Variants in AKAP11 observed in about 807,000 individuals in gnomAD.
AKAP11 encodes A-kinase anchor protein 11.
In AKAP11, 36 loss-of-function variants were observed where a neutral mutation model predicts 146.1. The observed-to-expected ratio is 0.25, with a 90% CI of 0.19 to 0.33. AKAP11 has a LOEUF of 0.33. Among genes scored for constraint, AKAP11 ranks in the 10% least tolerant of loss-of-function variants. The pLI, the probability that AKAP11 is intolerant of heterozygous loss-of-function variation, is 1.00. For synonymous variants in AKAP11, 780 were observed against 786.5 expected (o/e 0.99, Z 0.14); for missense variants, 2,201 against 2,197.0 (o/e 1.00, Z -0.04).
In AKAP11 at chr13:42,300,606, G is replaced by T; in HGVS notation, c.1860G>T (p.Val620=). 1 of 1,614,032 alleles carries T rather than the reference G, an allele frequency of 6.2e-7. No individual in the cohort carries two copies. Among genetic ancestry groups the T allele is most frequent in the East Asian group, 2.2e-5 (1 of 44,880 alleles). ...RAISGLANFL[V]SEALSNALKD... ...TTAGTGGCCTGGCTAACTTTTTGGT[G>T]AGTGAAGCTTTATCAAATGCCTTAA... is the stretch of plus-strand genomic sequence containing the variant. The change falls in exon 8 of 13, where the codon GTG becomes GTT. Residue 620 remains valine (V), a synonymous_variant. Coordinates refer to ENST00000025301, the MANE Select transcript of AKAP11 (RefSeq NM_016248.4).
At chr13:42,292,171 T>C (rs1384350281) in intron 3 of AKAP11, among the ~76,000 whole-genome samples, 1 of 152,164 alleles carries the variant, frequency 6.6e-6, no homozygotes, top group Non-Finnish European at 1.5e-5. Flanking sequence ...CAGGCTCCAG[T>C]AGTATGTGTT....
At chr13:42,311,228 A>T (rs551343967) in intron 9 of AKAP11, among the ~76,000 whole-genome samples, 1 of 152,330 alleles carries the variant, frequency 6.6e-6, no homozygotes, top group African/African-American at 2.4e-5. Flanking sequence ...CACTGGTTGG[A>T]GTACTCCTGT....
In AKAP11 at chr13:42,303,607, C is replaced by G. The variant is rs755063221; in HGVS notation, c.4861C>G (p.Pro1621Ala). The change falls in exon 8 of 13, where the codon CCA (proline) becomes GCA (alanine). Residue 1621 changes from proline (P) to alanine (A), a missense_variant. By Grantham distance (27) the Pro-to-Ala change is conservative. Transcript: ENST00000025301. ...CGCCAGTAGTAAGCCAGCTTCTAATCCAAAATTTAGCAGCCGCTATCAGAA... is the reference window on the plus strand; with the variant it reads ...CGCCAGTAGTAAGCCAGCTTCTAATGCAAAATTTAGCAGCCGCTATCAGAA... ...SLASSKPASN[P>A]KFSSRYQKSR... 2 of 1,614,202 alleles carry G rather than the reference C, an allele frequency of 1.2e-6. No homozygotes were observed. Among genetic ancestry groups the G allele is most frequent in the Admixed American group, 1.7e-5 (1 of 60,026 alleles).
chr13:42,298,450 G>T (rs1341660636), intron 6 of AKAP11, 83 bp from the exon 7 acceptor site: 3 of 1,419,368 alleles, frequency 2.1e-6, no homozygotes, highest in Non-Finnish European at 2.9e-6. Context: ...TTTTCTCTGA[G>T]ATTGTCTTAT....
At chr13:42,308,043 G>C (rs546853883) in intron 8 of AKAP11, among the ~76,000 whole-genome samples, 1 of 152,262 alleles carries the variant, frequency 6.6e-6, no homozygotes, top group African/African-American at 2.4e-5. Flanking sequence ...AGAATTTCTT[G>C]AACGACTTTT....
chr13:42,277,322 A>G (rs1958947854), intron 1 of AKAP11, among the ~76,000 whole-genome samples: 1 of 152,218 alleles, frequency 6.6e-6, no homozygotes, highest in African/African-American at 2.4e-5. Context: ...TAACTGTTTT[A>G]TCCTCCTGCC....
At chr13:42,287,825 G>A (rs1292751617) in intron 3 of AKAP11, among the ~76,000 whole-genome samples, 1 of 152,062 alleles carries the variant, frequency 6.6e-6, no homozygotes, top group Non-Finnish European at 1.5e-5. Context: ...ATAGCAAACT[G>A]ATAACCATGG....
rs2138659214 is a variant in AKAP11 at position 42,308,516 on chromosome 13, G to A, written c.5180G>A (p.Ser1727Asn). Residue 1727 changes from serine to asparagine, a missense_variant, in exon 9 of 13, where the codon AGT becomes AAT. Transcript: ENST00000025301. ...ESVSSQQMNLSIGDDSTGSWS... is the reference protein window; with the variant it reads ...ESVSSQQMNLNIGDDSTGSWS... ...GTCAGTAGCCAGCAGATGAACCTCAGTATTGGTGATGACAGCACTGGTAGC... is the reference window on the plus strand; with the variant it reads ...GTCAGTAGCCAGCAGATGAACCTCAATATTGGTGATGACAGCACTGGTAGC... The A allele has an allele frequency of 1.2e-6, 2 of 1,613,232 alleles. No individual in the cohort carries two copies. Among genetic ancestry groups the A allele is most frequent in the Non-Finnish European group, 1.7e-6 (2 of 1,179,422 alleles).
chr13:42,302,162 C>G lies in AKAP11; in HGVS notation c.3416C>G (p.Ser1139Cys), dbSNP rs766418968. The G allele has an allele frequency of 6.2e-7, 1 of 1,614,160 alleles. No homozygotes were observed. Among genetic ancestry groups the G allele is most frequent in the Non-Finnish European group, 8.5e-7 (1 of 1,179,992 alleles). The change falls in exon 8 of 13, where the codon TCT becomes TGT. Residue 1139 changes from serine to cysteine, a missense_variant. Coordinates refer to ENST00000025301, the MANE Select transcript of AKAP11 (RefSeq NM_016248.4). ...AKEFAPATPP[S>C]TPHNSSVGSL... ...GAGTTTGCACCTGCTACACCACCTT[C>G]TACTCCACACAACTCATCTGTTGGT...
intron 8 of AKAP11, among the ~76,000 whole-genome samples, chr13:42,304,994 G>A (rs994905417): frequency 6.6e-6 from 1 of 152,060 alleles, no homozygotes; most frequent in Non-Finnish European, 1.5e-5. Context: ...TAGGTGATCT[G>A]CCCACCTCAG....
At chr13:42,294,522 C>T (rs1037797545) in intron 4 of AKAP11, among the ~76,000 whole-genome samples, 5 of 152,038 alleles carry the variant, frequency 3.3e-5, no homozygotes, top group African/African-American at 1.2e-4. Flanking sequence ...CCTGTCTCAG[C>T]CTCCCGAGTA....
At chr13:42,277,064 A>AT (rs1409113762) in intron 1 of AKAP11, among the ~76,000 whole-genome samples, 4 of 152,174 alleles carry the variant, frequency 2.6e-5, no homozygotes, top group South Asian at 2.1e-4. Flanking sequence ...TTGTTGTTGC[A>AT]TTTTTTTGTA....
At chr13:42,280,672 A>G (rs1380100654) in intron 1 of AKAP11, among the ~76,000 whole-genome samples, 5 of 152,230 alleles carry the variant, frequency 3.3e-5, no homozygotes, top group Admixed American at 3.3e-4. Context: ...CCAGAGGATT[A>G]AATTATAAAC....
Position 42,300,149 on chromosome 13 carries a change from G to A in AKAP11, c.1403G>A (p.Cys468Tyr), listed in dbSNP as rs376370260. 2.2e-5 allele frequency: 36 copies of A among 1,613,782 alleles called. 2 individuals carry two copies. Among genetic ancestry groups the A allele is most frequent in the South Asian group, 5.5e-5 (5 of 91,070 alleles). ...GGCTGTACTCCAGCTGAATGTTTTT[G>A]CCAAACAGATATTGGTGGAGATAGG... ...LGGCTPAECF[C>Y]QTDIGGDRIH... The change falls in exon 8 of 13, where the codon TGC becomes TAC. Residue 468 changes from cysteine to tyrosine, a missense_variant. This residue lies in a region of AKAP11 where 1,867 missense variants were observed against 1,833.5 expected (regional missense o/e 1.02). Transcript: ENST00000025301.
chr13:42,292,601 C>A lies in AKAP11; in HGVS notation c.168+100C>A, dbSNP rs1426311202. 4 of 653,696 alleles carry A rather than the reference C, an allele frequency of 6.1e-6. No homozygotes were observed. The Admixed American group carries it at 8.6e-5, about 14-fold the overall frequency. 40.5% of individuals were successfully genotyped at this position (653,696 alleles called of 1,614,324 possible). A position where few individuals can be genotyped will look rare whatever the true frequency, so the allele number is the denominator to read the frequency against. On this transcript the variant is annotated intron_variant, in intron 4 of 12. Coordinates refer to ENST00000025301, the MANE Select transcript of AKAP11 (RefSeq NM_016248.4). ...GATCTATTTTTAAAATGCCTAAAAT[C>A]TCTATTTGTTGTTACATGTATCAGA... is the stretch of plus-strand genomic sequence containing the variant.
intron 9 of AKAP11, among the ~76,000 whole-genome samples, chr13:42,312,559 A>G (rs188812663): frequency 1.4e-3 from 210 of 152,302 alleles, no homozygotes; most frequent in Non-Finnish European, 6.5e-4. Flanking sequence ...GTTTGGGACT[A>G]TGTCTTTATA....
chr13:42,286,241 A>G (rs1959165279), intron 2 of AKAP11, 59 bp from the exon 3 acceptor site: 1 of 649,894 alleles, frequency 1.5e-6, no homozygotes, highest in Non-Finnish European at 2.5e-6. Flanking sequence ...ATTTAGCACA[A>G]AATGCTTGCC....
intron 1 of AKAP11, among the ~76,000 whole-genome samples, chr13:42,285,154 T>G (rs186104486): frequency 9.8e-5 from 15 of 152,364 alleles, no homozygotes; most frequent in Non-Finnish European, 1.5e-4. Context: ...CTCCTCATAG[T>G]ATAAATTTAT....
In AKAP11 at chr13:42,303,522, TAAA is replaced by T. The variant is rs757445341; in HGVS notation, c.4777_4779del (p.Lys1593del). The T allele has an allele frequency of 3.2e-5, 51 of 1,614,102 alleles. No homozygotes were observed. Among genetic ancestry groups the T allele is most frequent in the Admixed American group, 5.0e-5 (3 of 59,998 alleles). ...GTCAAGCTTGCAGATACTGTGACCT[TAAA>T]GAACTCCACAATTGCACTGGAAATT... On this transcript the variant is annotated inframe_deletion, in exon 8 of 13. Transcript: ENST00000025301.
Sources: allele counts gnomAD v4.1 joint callset (sites outside exome capture counted in the v4.1 genomes callset), GRCh38; gene constraint gnomAD v4.1.1; regional missense constraint gnomAD v4.1.1; transcripts MANE v1.5; gene names NCBI Gene and HGNC (gene_info 2026-07-23, HGNC 2026-07-21).